The following TG variants were observed in gnomAD, a reference collection of about 807,000 sequenced individuals.
TG encodes thyroid hormones.
Under a neutral mutation model 324.7 loss-of-function variants are expected in TG, and 270 were observed. That is an observed-to-expected ratio of 0.83 (90% CI 0.75 to 0.92). TG has a LOEUF of 0.92. Ranked by LOEUF, TG falls within the 40% of genes least tolerant of loss-of-function variation. TG has a pLI of 0.00. For missense variants in TG, 3,591 were observed against 3,456.4 expected (o/e 1.04, Z -0.98); for synonymous variants, 1,401 against 1,327.0 (o/e 1.06, Z -1.21).
rs115015716 is a variant in TG, at chr8:133,113,582, G to C, written c.7733G>C (p.Arg2578Pro). 3.7e-6 allele frequency: 6 copies of C among 1,614,024 alleles called. No homozygotes were observed. The highest frequency in any genetic ancestry group is 5.1e-6 in the Non-Finnish European group (6 of 1,179,976). ...ACGGATGACTATGCCTCCTTCTCCCGGGCTCTGGAGAATGCCACCCGGTAA... is the reference window on the plus strand; with the variant it reads ...ACGGATGACTATGCCTCCTTCTCCCCGGCTCTGGAGAATGCCACCCGGTAA... ...HSTDDYASFS[R>P]ALENATRDYF... The change falls in exon 44 of 48, where the codon CGG becomes CCG. Residue 2578 changes from arginine to proline, a missense_variant. Coordinates refer to ENST00000220616, the MANE Select transcript of TG (RefSeq NM_003235.5).
intron 41 of TG, chr8:133,047,866 C>T (rs1839742641): frequency 5.0e-6 from 8 of 1,612,026 alleles, no homozygotes; most frequent in African/African-American, 2.7e-5. Context: ...ATGAAGGAGC[C>T]GACCTTTGTG....
intron 35 of TG, chr8:133,002,171 C>T: frequency 1.0e-6 from 1 of 985,402 alleles, no homozygotes; most frequent in Non-Finnish European, 1.2e-6. Flanking sequence ...GAGGCACTTT[C>T]CGCCTGTTTT....
In TG at chr8:132,893,856, C is replaced by T. The variant is rs1251843281; in HGVS notation, c.2928C>T (p.Phe976=). 6 of 1,613,934 alleles carry T rather than the reference C, an allele frequency of 3.7e-6. No individual in the cohort carries two copies. In the Admixed American group the frequency reaches 6.7e-5, roughly 18 times the overall value. ...AGGACCTCGGCCTTCCTCCGCTCTT[C>T]CCGCCCCGGGAGGCTTTCGCGGAGC... ...RNEDLGLPPL[F]PPREAFAEQF... is the part of the protein sequence containing the mutation. The change falls in exon 11 of 48, where the codon TTC becomes TTT. Residue 976 remains phenylalanine, a synonymous_variant. Coordinates refer to ENST00000220616, the MANE Select transcript of TG (RefSeq NM_003235.5).
chr8:133,117,519 T>C (rs1850797515), intron 45 of TG, among the ~76,000 whole-genome samples: 1 of 152,202 alleles, frequency 6.6e-6, no homozygotes, highest in South Asian at 2.1e-4. Flanking sequence ...TTCATCCATG[T>C]GGGAAAACCC....
Position 132,892,231 on chromosome 8 carries a change from ACCATCTATCCATGCATCCATCCAT to A in TG, c.2762-1453_2762-1430del, listed in dbSNP as rs1176218797. Among the ~76,000 whole-genome samples, 3 of 152,128 alleles carry A rather than the reference ACCATCTATCCATGCATCCATCCAT, an allele frequency of 2.0e-5. No homozygotes were observed. The East Asian group carries it at 5.8e-4, about 29-fold the overall frequency. On this transcript the variant is annotated intron_variant, in intron 10 of 47. Transcript: ENST00000220616. ...CTTTTGATATCCATCCATCCATCCA[ACCATCTATCCATGCATCCATCCAT>A]CCATCATCTGCCTATCCTTCATTAG...
intron 22 of TG, among the ~76,000 whole-genome samples, chr8:132,928,834 T>C (rs1214807080): frequency 6.6e-6 from 1 of 152,220 alleles, no homozygotes; most frequent in East Asian, 1.9e-4. Context: ...TAACATTAAA[T>C]TTCCGCCTCA....
rs1426751404 is a variant in TG at position 132,941,481 on chromosome 8, TC to T, written c.5173del (p.Leu1725PhefsTer28). On this transcript the variant is annotated frameshift_variant, in exon 26 of 48. Coordinates refer to ENST00000220616, the MANE Select transcript of TG (RefSeq NM_003235.5). LOFTEE classifies it high-confidence loss of function. The stretch of plus-strand genomic sequence containing the variant: ...ATCTAACCGATGCTCACCTCTTCTG[TC>T]TTCTTGCATGCGACCGTGATCTGTG... Reference protein sequence around the residue: ...ANLTDAHLFCLLACDRDLCCD... With the variant: ...ANLTDAHLFCXLACDRDLCCD... 1.9e-6 allele frequency: 3 copies of T among 1,614,190 alleles called. No individual in the cohort carries two copies. In the Admixed American group the frequency reaches 5.0e-5, roughly 27 times the overall value.
intron 20 of TG, among the ~76,000 whole-genome samples, chr8:132,913,736 T>C (rs1819876217): frequency 6.6e-6 from 1 of 152,194 alleles, no homozygotes; most frequent in African/African-American, 2.4e-5. Context: ...AATGGGAAAG[T>C]GATGCAGATT....
chr8:132,897,804 C>A lies in TG; in HGVS notation c.3139+18C>A. 1 of 1,613,918 alleles carries A rather than the reference C, an allele frequency of 6.2e-7. No homozygotes were observed. The highest frequency in any genetic ancestry group is 8.5e-7 in the Non-Finnish European group (1 of 1,179,994). On this transcript the variant is annotated intron_variant, in intron 12 of 47. Transcript: ENST00000220616. The stretch of plus-strand genomic sequence containing the variant: ...TGGGACTGGTAAGGAGGGATAGGCA[C>A]CTTCAGGTGGCCAAGTGACACCCCT...
At chr8:132,979,146 G>A (rs982112275) in intron 34 of TG, among the ~76,000 whole-genome samples, 3 of 152,132 alleles carry the variant, frequency 2.0e-5, no homozygotes, top group African/African-American at 7.2e-5. Flanking sequence ...GGGAGGAGGG[G>A]GTGGTGCGTG....
At chr8:133,066,565 A>G (rs1843071456) in intron 41 of TG, among the ~76,000 whole-genome samples, 1 of 152,228 alleles carries the variant, frequency 6.6e-6, no homozygotes, top group African/African-American at 2.4e-5. Flanking sequence ...TAAAATACCC[A>G]GATTTTCTCC....
chr8:132,978,337 A>G (rs1830423416), intron 34 of TG, among the ~76,000 whole-genome samples: 1 of 152,194 alleles, frequency 6.6e-6, no homozygotes, highest in Admixed American at 6.5e-5. Context: ...CAAGCCATTC[A>G]TGATGGATCC....
chr8:133,104,855 C>T (rs2131714411), intron 43 of TG, among the ~76,000 whole-genome samples: 1 of 152,294 alleles, frequency 6.6e-6, no homozygotes, highest in Middle Eastern at 3.4e-3. Context: ...TGCAAACGGC[C>T]ACCCAGGATT....
intron 35 of TG, among the ~76,000 whole-genome samples, chr8:132,990,519 A>G (rs1414773352): frequency 1.3e-5 from 2 of 151,614 alleles, no homozygotes; most frequent in African/African-American, 4.8e-5. Flanking sequence ...AGCAGTGGGA[A>G]TCATTTTTCC....
In TG at chr8:132,967,933, C is replaced by T. The variant is rs375613115; in HGVS notation, c.5826C>T (p.Ile1942=). ...CCAATGCCCAGGGCTGCAGACTGAT[C>T]CTGCCTCAGATGCCAAAGGCCCTGT... is the stretch of plus-strand genomic sequence containing the variant. ...MESNAQGCRL[I]LPQMPKALFR... The change falls in exon 31 of 48, where the codon ATC becomes ATT. Residue 1942 remains isoleucine, a synonymous_variant. Coordinates refer to ENST00000220616, the MANE Select transcript of TG (RefSeq NM_003235.5). 1.4e-5 allele frequency: 23 copies of T among 1,613,854 alleles called. No individual in the cohort carries two copies. In the African/African-American group the frequency reaches 2.1e-4, roughly 15 times the overall value.
rs145646691 is a variant in TG, at chr8:133,010,911, C to T, written c.6263-990C>T. ...CAGTTGGAGGGCACAAGCTTCACTA[C>T]ATACAAAGGCCAGTTCCAATCCTGT... On this transcript the variant is annotated intron_variant, in intron 35 of 47. Transcript: ENST00000220616. Among the ~76,000 whole-genome samples, 306 of 152,340 alleles carry T rather than the reference C, an allele frequency of 2.0e-3. 1 individual carries two copies. The highest frequency in any genetic ancestry group is 0.014 in the South Asian group (68 of 4,830).
At chr8:132,996,129 T>C (rs553546352) in intron 35 of TG, among the ~76,000 whole-genome samples, 2 of 152,346 alleles carry the variant, frequency 1.3e-5, no homozygotes, top group East Asian at 1.9e-4. Context: ...GGCCATATTA[T>C]GTAGCACCTC....
Position 132,881,905 on chromosome 8 carries a change from G to GT in TG, c.683dup (p.Glu230Ter). The GT allele has an allele frequency of 1.2e-6, 2 of 1,614,202 alleles. No individual in the cohort carries two copies. The highest frequency in any genetic ancestry group is 1.7e-6 in the Non-Finnish European group (2 of 1,180,010). ...TGACCTTCAGTTCCTTCCAGAGGAG[G>GT]TTCCCTGAGGTATCTGGGTATTGCC... On this transcript the variant is annotated frameshift_variant, in exon 6 of 48. Transcript: ENST00000220616. LOFTEE classifies it high-confidence loss of function.
intron 35 of TG, among the ~76,000 whole-genome samples, chr8:132,984,980 T>G (rs1211707714): frequency 6.6e-6 from 1 of 151,874 alleles, no homozygotes; most frequent in Non-Finnish European, 1.5e-5. Context: ...ATGTCATCTA[T>G]GTCATCTCTG....
Sources: allele counts gnomAD v4.1 joint callset (sites outside exome capture counted in the v4.1 genomes callset), GRCh38; gene constraint gnomAD v4.1.1; transcripts MANE v1.5; gene names NCBI Gene and HGNC (gene_info 2026-07-23, HGNC 2026-07-21).